The following PGM3 variants were observed in gnomAD, a reference collection of about 807,000 sequenced individuals.
The protein encoded by PGM3 is phosphoglucomutase 3, also known as phosphoacetylglucosamine mutase.
In PGM3, 40 loss-of-function variants were observed where a neutral mutation model predicts 66.2. The ratio of observed to expected loss-of-function variants is 0.60; its 90% CI spans 0.47 to 0.79. The LOEUF (loss-of-function observed/expected upper bound fraction) is 0.79, where lower values mean the gene tolerates loss of function less well. Ranked by LOEUF, PGM3 falls within the 30% of genes least tolerant of loss-of-function variation. The probability of loss-of-function intolerance (pLI) is 0.00; values close to 1 mark genes in which losing one functional copy is unlikely to be tolerated. For synonymous variants in PGM3, 191 were observed against 224.2 expected (o/e 0.85, Z 1.32); for missense variants, 537 against 643.4 (o/e 0.83, Z 1.79).
the PGM3 span, chr6:83,154,090 T>C: frequency 6.2e-7 from 1 of 1,612,906 alleles, no homozygotes; most frequent in Admixed American, 1.7e-5. Context: ...CCTCACAGTC[T>C]GATGAAATCA....
At chr6:83,156,314 T>C (rs1420904364), downstream of PGM3, among the ~76,000 whole-genome samples, 1 of 149,578 alleles carries the variant, frequency 6.7e-6, no homozygotes, top group East Asian at 1.9e-4. Flanking sequence ...ATGTGGTCTC[T>C]ATTTTATTGT....
chr6:83,164,968 G>T lies in PGM3; in HGVS notation c.*4266C>A. The T allele has an allele frequency of 2.6e-6, 1 of 392,030 alleles. No homozygotes were observed. The highest frequency in any genetic ancestry group is 4.5e-6 in the Non-Finnish European group (1 of 220,718). 24.3% of individuals were successfully genotyped at this position (392,030 alleles called of 1,614,324 possible). A position where few individuals can be genotyped will look rare whatever the true frequency, so the allele number is the denominator to read the frequency against. On this transcript the variant is annotated 3_prime_UTR_variant, in exon 13 of 13. Transcript: ENST00000513973. The stretch of plus-strand genomic sequence containing the variant: ...ACTCTGAATCAAGTGTATTCTTCTT[G>T]GTCAAGAGCTTAATAAAAGTCCCTC...
At chr6:83,164,557 T>G, downstream of PGM3, 1 of 1,083,428 alleles carries the variant, frequency 9.2e-7, no homozygotes, top group Non-Finnish European at 1.4e-6. Flanking sequence ...CTATTTTGAT[T>G]GAAAGGCATC....
At chr6:83,175,826 G>A in intron 9 of PGM3, 136 bp downstream of exon 9, 1 of 577,864 alleles carries the variant, frequency 1.7e-6, no homozygotes, top group Admixed American at 2.9e-5. Context: ...CAATATATAA[G>A]ATAACCAAAG....
At chr6:83,158,695 C>T, downstream of PGM3, 1 of 1,009,572 alleles carries the variant, frequency 9.9e-7, no homozygotes, top group Non-Finnish European at 1.5e-6. Context: ...TACTCAGCAT[C>T]TAGGAGAATA....
At chr6:83,157,307 A>G, downstream of PGM3, 1 of 1,613,338 alleles carries the variant, frequency 6.2e-7, no homozygotes, top group Non-Finnish European at 8.5e-7. Context: ...GCCTACCATG[A>G]TTACAGAACT....
At chr6:83,188,140 A>T (rs990425217) in intron 3 of PGM3, among the ~76,000 whole-genome samples, 5 of 152,256 alleles carry the variant, frequency 3.3e-5, no homozygotes, top group Non-Finnish European at 7.3e-5. Context: ...TTTTGTTAAG[A>T]AAGGCAAAAG....
In PGM3 at chr6:83,179,927, A is replaced by G. The variant is rs973070018; in HGVS notation, c.828T>C (p.Asp276=). ...AATAAACAATTCTGTCTGCATCTCC[A>G]TCAAAAGAACAGCATCTTTCATTGG... is the stretch of plus-strand genomic sequence containing the variant. The part of the protein sequence containing the change: ...IKSNERCCSF[D]GDADRIVYYY... Residue 276 remains aspartate, a synonymous_variant, in exon 7 of 13, where the codon GAT becomes GAC. Coordinates refer to ENST00000513973, the MANE Select transcript of PGM3 (RefSeq NM_015599.3). 6.8e-6 allele frequency: 11 copies of G among 1,611,648 alleles called. No homozygotes were observed. Among genetic ancestry groups the G allele is most frequent in the Middle Eastern group, 1.6e-4 (1 of 6,082 alleles).
At chr6:83,179,717 A>G in intron 7 of PGM3, 93 bp downstream of exon 7, 1 of 974,788 alleles carries the variant, frequency 1.0e-6, no homozygotes, top group Admixed American at 2.5e-5. Context: ...AGAATTTGTC[A>G]TAAATTGTGC....
At chr6:83,164,022 C>A (rs1371857910), downstream of PGM3, among the ~76,000 whole-genome samples, 5 of 150,734 alleles carry the variant, frequency 3.3e-5, no homozygotes, top group African/African-American at 1.2e-4. Flanking sequence ...AACCTTTTGT[C>A]AAATTTTCTT....
chr6:83,191,169 C>G, intron 1 of PGM3, 155 bp from the exon 2 acceptor site: 1 of 1,520,328 alleles, frequency 6.6e-7, no homozygotes, highest in African/African-American at 1.4e-5. Flanking sequence ...GAGAGTAAGT[C>G]CTGTGGGTTA....
At chr6:83,179,746 TAA>T in intron 7 of PGM3, 62 bp downstream of exon 7, 1 of 1,273,568 alleles carries the variant, frequency 7.9e-7, no homozygotes, top group Non-Finnish European at 1.1e-6. Context: ...CAAATGATTG[TAA>T]AATATGGAAC....
intron 10 of PGM3, among the ~76,000 whole-genome samples, chr6:83,174,084 AAATT>A (rs1787563847): frequency 6.6e-6 from 1 of 152,160 alleles, no homozygotes; most frequent in Non-Finnish European, 1.5e-5. Context: ...GGTTAAAAAA[AAATT>A]AATAATATAT....
intron 4 of PGM3, among the ~76,000 whole-genome samples, chr6:83,185,256 C>T (rs1339016858): frequency 6.6e-6 from 1 of 152,212 alleles, no homozygotes; most frequent in Non-Finnish European, 1.5e-5. Flanking sequence ...GAGACACAAC[C>T]AGCATTTGTG....
chr6:83,173,716 C>CTT (rs932835641), intron 10 of PGM3, among the ~76,000 whole-genome samples: 1 of 152,118 alleles, frequency 6.6e-6, no homozygotes, highest in Non-Finnish European at 1.5e-5. Flanking sequence ...CATGTATGTC[C>CTT]TTTGTCAATG....
At chr6:83,177,942 C>T (rs922496496) in intron 8 of PGM3, among the ~76,000 whole-genome samples, 1 of 152,142 alleles carries the variant, frequency 6.6e-6, no homozygotes, top group Admixed American at 6.6e-5. Context: ...ACACCCTGCT[C>T]CTTGGCTATA....
the PGM3 span, chr6:83,154,409 G>A: frequency 5.2e-5 from 32 of 611,770 alleles, no homozygotes; most frequent in Admixed American, 9.2e-4. Context: ...TACGCTATGG[G>A]AATATAATCT....
At chr6:83,172,809 T>C (rs1787367231) in intron 10 of PGM3, among the ~76,000 whole-genome samples, 2 of 152,228 alleles carry the variant, frequency 1.3e-5, no homozygotes, top group Admixed American at 6.5e-5. Flanking sequence ...TTTTTTACTA[T>C]TAAAATACTT....
intron 8 of PGM3, chr6:83,176,278 G>A (rs765271658): frequency 2.8e-5 from 13 of 459,030 alleles, no homozygotes; most frequent in Non-Finnish European, 4.3e-5. Context: ...TGAGAGAGAT[G>A]AGGGTCTCCT....
Sources: gnomAD v4.1 joint callset for allele counts (sites outside exome capture counted in the v4.1 genomes callset) on GRCh38, gnomAD v4.1.1 for gene constraint, MANE v1.5 for transcripts, NCBI Gene and HGNC (gene_info 2026-07-23, HGNC 2026-07-21) for gene names.